STIM1: variants seen among roughly 807,000 people sequenced by gnomAD.
The protein encoded by STIM1 is stromal interaction molecule 1.
STIM1 carries 25 observed loss-of-function variants against 74.7 expected under a neutral mutation model. The observed-to-expected ratio is 0.33, with a 90% CI of 0.24 to 0.47. The LOEUF is 0.47. Ranked by LOEUF, STIM1 falls within the 20% of genes least tolerant of loss-of-function variation. STIM1 has a pLI of 1.00. For synonymous variants in STIM1, 328 were observed against 348.8 expected, an observed-to-expected ratio of 0.94 and a Z score of 0.66; for missense variants, 728 against 920.8, an observed-to-expected ratio of 0.79 and a Z score of 2.71.
intron 1 of STIM1, among the ~76,000 whole-genome samples, chr11:3,905,400 G>A (rs938331998): frequency 2.6e-5 from 4 of 151,780 alleles, no homozygotes; most frequent in African/African-American, 9.7e-5. Context: ...TGGAGGGGTG[G>A]AGTGGAGACC....
chr11:4,004,586 C>G (rs1452465252), intron 2 of STIM1, among the ~76,000 whole-genome samples: 3 of 151,074 alleles, frequency 2.0e-5, no homozygotes, highest in African/African-American at 7.3e-5. Context: ...AAAATTAATT[C>G]AAGATGGATT....
intron 1 of STIM1, among the ~76,000 whole-genome samples, chr11:3,871,337 A>C (rs1461400078): frequency 1.3e-5 from 2 of 152,192 alleles, no homozygotes; most frequent in Non-Finnish European, 2.9e-5. Context: ...GGGACAGAGG[A>C]ACCAGGGTGG....
intron 12 of STIM1, chr11:4,088,761 C>T: frequency 6.5e-7 from 1 of 1,535,320 alleles, no homozygotes; most frequent in Middle Eastern, 1.7e-4. Flanking sequence ...GGATGGGAGT[C>T]CGAGGCAGCC....
At chr11:3,922,637 T>C (rs372073958) in intron 1 of STIM1, 21 of 172,096 alleles carry the variant, frequency 1.2e-4, no homozygotes, top group East Asian at 6.9e-4. Context: ...AAAGCAAACG[T>C]GGTGAGGCAC....
chr11:3,957,253 G>GATT (rs891471129), intron 1 of STIM1, among the ~76,000 whole-genome samples: 20 of 151,988 alleles, frequency 1.3e-4, no homozygotes, highest in African/African-American at 4.6e-4. Flanking sequence ...TGATGCTGTG[G>GATT]ATTATTATTA....
At chr11:4,086,652 C>T in intron 12 of STIM1, 109 bp downstream of exon 12, 1 of 1,557,072 alleles carries the variant, frequency 6.4e-7, no homozygotes. Flanking sequence ...ACGGGACCAG[C>T]TCTCCATCTG....
At chr11:4,016,337 T>G (rs1590650545) in intron 2 of STIM1, among the ~76,000 whole-genome samples, 1 of 151,956 alleles carries the variant, frequency 6.6e-6, no homozygotes, top group Non-Finnish European at 1.5e-5. Context: ...TGGCGGGAGG[T>G]CCACTCCAGA....
rs143773584 is a variant in STIM1 at position 4,011,420 on chromosome 11, G to A, written c.271-12453G>A. Among the ~76,000 whole-genome samples, 585 of 152,210 alleles carry A rather than the reference G, an allele frequency of 3.8e-3. 3 individuals carry two copies. Among genetic ancestry groups the A allele is most frequent in the African/African-American group, 0.013 (541 of 41,522 alleles). On this transcript the variant is annotated intron_variant, in intron 2 of 12. Transcript: ENST00000526596. ...TTTAATGATCTCCATTCTAACTGGC[G>A]TGAGATAGTATCTCATTGTGATTTT...
At chr11:4,049,342 T>TG (rs2094219268) in intron 3 of STIM1, among the ~76,000 whole-genome samples, 2 of 150,744 alleles carry the variant, frequency 1.3e-5, no homozygotes, top group South Asian at 4.2e-4. Context: ...TTTTTTTTTT[T>TG]GAGACAGGCT....
chr11:3,896,201 G>C lies in STIM1; in HGVS notation c.139+39792G>C, dbSNP rs557285017. 2.0e-4 allele frequency among the ~76,000 whole-genome samples: 28 copies of C among 139,450 alleles called. No homozygotes were observed. In the East Asian group the frequency reaches 5.8e-3, roughly 29 times the overall value. 91.5% of individuals were successfully genotyped at this position (139,450 alleles called of 152,430 possible). On this transcript the variant is annotated intron_variant, in intron 1 of 12. Transcript: ENST00000526596. Reference sequence around the variant, plus strand: ...TTACAGGCGTGAGCCACTGCACCTGGCCGGAATAGTGCTCTCTCTCTACCA... The same window carrying C: ...TTACAGGCGTGAGCCACTGCACCTGCCCGGAATAGTGCTCTCTCTCTACCA...
chr11:3,918,497 C>T (rs184995529), intron 1 of STIM1, among the ~76,000 whole-genome samples: 1 of 150,664 alleles, frequency 6.6e-6, no homozygotes, highest in African/African-American at 2.4e-5. Context: ...GATCAGACCA[C>T]TGCACTCCAG....
intron 1 of STIM1, among the ~76,000 whole-genome samples, chr11:3,962,329 A>G (rs2093295120): frequency 6.6e-6 from 1 of 152,058 alleles, no homozygotes; most frequent in Non-Finnish European, 1.5e-5. Flanking sequence ...GTAGGTGGCA[A>G]TATGTGATGT....
At chr11:4,015,544 G>A (rs940039306) in intron 2 of STIM1, among the ~76,000 whole-genome samples, 1 of 152,160 alleles carries the variant, frequency 6.6e-6, no homozygotes, top group Non-Finnish European at 1.5e-5. Flanking sequence ...TTCTCGAGGA[G>A]TATCTTTATG....
At chr11:3,961,735 C>T (rs2093287865) in intron 1 of STIM1, among the ~76,000 whole-genome samples, 1 of 152,064 alleles carries the variant, frequency 6.6e-6, no homozygotes, top group African/African-American at 2.4e-5. Flanking sequence ...GTCTTGAACT[C>T]CTGACCTTGT....
intron 1 of STIM1, among the ~76,000 whole-genome samples, chr11:3,911,203 T>G (rs1453092727): frequency 6.6e-6 from 1 of 152,114 alleles, no homozygotes; most frequent in Non-Finnish European, 1.5e-5. Context: ...GCCAGAATCT[T>G]CTAACAAGTC....
chr11:4,043,001 A>G (rs774581084), intron 3 of STIM1, among the ~76,000 whole-genome samples: 2 of 152,194 alleles, frequency 1.3e-5, no homozygotes, highest in South Asian at 4.1e-4. Flanking sequence ...ATAGAACGAA[A>G]TAAATGCTTG....
At chr11:4,088,747 C>T in intron 12 of STIM1, 1 of 1,535,790 alleles carries the variant, frequency 6.5e-7, no homozygotes, top group Non-Finnish European at 8.7e-7. Flanking sequence ...AGGTCAGTAG[C>T]TTGGGATGGG....
chr11:4,051,252 A>G (rs2094238035), intron 3 of STIM1, among the ~76,000 whole-genome samples: 2 of 152,228 alleles, frequency 1.3e-5, no homozygotes, highest in South Asian at 4.1e-4. Context: ...GTATTCTTAT[A>G]TATCTAGATG....
At chr11:3,916,504 G>A (rs1455663740) in intron 1 of STIM1, among the ~76,000 whole-genome samples, 1 of 149,080 alleles carries the variant, frequency 6.7e-6, no homozygotes, top group Non-Finnish European at 1.5e-5. Flanking sequence ...AGGGTGGAGT[G>A]TAAATGGGGT....
Sources: allele counts gnomAD v4.1 joint callset (sites outside exome capture counted in the v4.1 genomes callset), GRCh38; gene constraint gnomAD v4.1.1; transcripts MANE v1.5; gene names NCBI Gene and HGNC (gene_info 2026-07-23, HGNC 2026-07-21).